The following EYS variants were observed in gnomAD, a reference collection of about 807,000 sequenced individuals.
EYS encodes protein eyes shut homolog.
Under a neutral mutation model 282.1 loss-of-function variants are expected in EYS, and 250 were observed. The ratio of observed to expected loss-of-function variants is 0.89; its 90% CI spans 0.80 to 0.98. The LOEUF is 0.98. Ranked by LOEUF, EYS falls within the 50% of genes least tolerant of loss-of-function variation. EYS has a pLI of 0.00. For synonymous variants in EYS, 1,355 were observed against 1,282.9 expected, an observed-to-expected ratio of 1.06 and a Z score of -1.20; for missense variants, 4,016 against 3,709.0, an observed-to-expected ratio of 1.08 and a Z score of -2.15.
intron 29 of EYS, among the ~76,000 whole-genome samples, chr6:64,321,020 A>G (rs202227235): frequency 7.2e-5 from 11 of 151,846 alleles, no homozygotes; most frequent in African/African-American, 2.6e-4. Context: ...CTACTCAAAA[A>G]AATTTTCATA....
In EYS at chr6:63,720,841, G is replaced by C; in HGVS notation, c.9190C>G (p.Leu3064Val). ...GGATCAATATCCTCGGAAAGAATTAGACTGTTATTTATGTAGGCCTTGATA... is the reference window on the plus strand; with the variant it reads ...GGATCAATATCCTCGGAAAGAATTACACTGTTATTTATGTAGGCCTTGATA... ...TLIKAYINNS[L>V]ILSEDIDPHK... The change falls in exon 43 of 43, where the codon CTA becomes GTA. Residue 3064 changes from leucine to valine, a missense_variant. By Grantham distance (32) the Leu-to-Val change is conservative. Coordinates refer to ENST00000503581, the MANE Select transcript of EYS (RefSeq NM_001142800.2). The C allele has an allele frequency of 1.3e-6, 2 of 1,551,164 alleles. No individual in the cohort carries two copies. The highest frequency in any genetic ancestry group is 1.7e-6 in the Non-Finnish European group (2 of 1,146,684).
intron 12 of EYS, among the ~76,000 whole-genome samples, chr6:65,139,688 C>T (rs181726276): frequency 2.6e-4 from 39 of 152,186 alleles, no homozygotes; most frequent in Non-Finnish European, 4.9e-4. Context: ...GCACTCCTCC[C>T]GTTCTTAGCC....
At chr6:64,036,270 G>T (rs1324926981) in intron 33 of EYS, among the ~76,000 whole-genome samples, 1 of 152,174 alleles carries the variant, frequency 6.6e-6, no homozygotes. Context: ...GGGTGATGGA[G>T]TTTGGGTGCA....
At chr6:63,797,426 C>T (rs552082620) in intron 37 of EYS, 9 of 152,268 alleles carry the variant, frequency 5.9e-5, no homozygotes, top group Non-Finnish European at 1.2e-4. Flanking sequence ...GGATTCTAGA[C>T]ATTTGAGCCA....
chr6:64,602,016 T>C (rs1766776715), intron 24 of EYS, among the ~76,000 whole-genome samples: 2 of 152,066 alleles, frequency 1.3e-5, no homozygotes, highest in African/African-American at 4.8e-5. Context: ...AACTTAAAGG[T>C]CCCTTCCTTA....
intron 8 of EYS, among the ~76,000 whole-genome samples, chr6:65,370,279 G>C (rs1399894053): frequency 1.7e-5 from 2 of 117,096 alleles, no homozygotes; most frequent in African/African-American, 6.8e-5. Flanking sequence ...TTTTGAAACA[G>C]GATCTTACTC....
At chr6:64,895,958 A>T (rs993804655) in intron 18 of EYS, among the ~76,000 whole-genome samples, 2 of 152,076 alleles carry the variant, frequency 1.3e-5, no homozygotes, top group African/African-American at 4.8e-5. Context: ...ATACTAAATA[A>T]TAAATTAATT....
intron 1 of EYS, among the ~76,000 whole-genome samples, chr6:65,677,038 G>GA (rs915816464): frequency 1.5e-4 from 13 of 89,086 alleles, no homozygotes; most frequent in South Asian, 3.6e-4. Flanking sequence ...ACTAGAAATT[G>GA]AAAAAAAAAT....
chr6:64,831,026 G>T (rs1442290755), intron 19 of EYS, among the ~76,000 whole-genome samples: 1 of 151,920 alleles, frequency 6.6e-6, no homozygotes, highest in African/African-American at 2.4e-5. Context: ...AGTTCCTGGA[G>T]GGATCAACTG....
intron 21 of EYS, among the ~76,000 whole-genome samples, chr6:64,817,992 G>C (rs572716848): frequency 1.2e-4 from 19 of 152,004 alleles, no homozygotes; most frequent in African/African-American, 4.3e-4. Context: ...GTTAAAGCAC[G>C]AATTCTCTTA....
chr6:64,707,981 T>G (rs1771088585), intron 22 of EYS, among the ~76,000 whole-genome samples: 2 of 152,080 alleles, frequency 1.3e-5, no homozygotes, highest in South Asian at 4.1e-4. Flanking sequence ...TGGGTTTTAA[T>G]GCATAAAATT....
chr6:65,266,887 C>CATAT (rs10571039), intron 12 of EYS, among the ~76,000 whole-genome samples: 7,987 of 139,470 alleles, frequency 0.057, 244 homozygotes, highest in Middle Eastern at 0.071. Context: ...AATGTGTGTG[C>CATAT]ATATATATAT....
At chr6:65,362,889 T>C (rs1764766936) in intron 8 of EYS, among the ~76,000 whole-genome samples, 1 of 151,982 alleles carries the variant, frequency 6.6e-6, no homozygotes, top group Non-Finnish European at 1.5e-5. Flanking sequence ...TTGCTTTAAA[T>C]TCAAAAAAAG....
At chr6:64,271,380 A>G (rs1767934633) in intron 30 of EYS, among the ~76,000 whole-genome samples, 1 of 152,092 alleles carries the variant, frequency 6.6e-6, no homozygotes, top group Admixed American at 6.5e-5. Flanking sequence ...TCATTTTTGT[A>G]TGTTACAAAT....
At chr6:64,185,102 G>A (rs1228485679) in intron 31 of EYS, among the ~76,000 whole-genome samples, 2 of 152,096 alleles carry the variant, frequency 1.3e-5, no homozygotes, top group Non-Finnish European at 2.9e-5. Context: ...AAGTCAGATA[G>A]TAGGCCTTCA....
rs143807543 is a variant in EYS, at chr6:64,513,116, G to A, written c.5645-73764C>T. Among the ~76,000 whole-genome samples the A allele has an allele frequency of 2.4e-3, 363 of 151,736 alleles. 4 individuals are homozygous for A. Among genetic ancestry groups the A allele is most frequent in the South Asian group, 0.017 (84 of 4,818 alleles). On this transcript the variant is annotated intron_variant, in intron 26 of 42. Transcript: ENST00000503581. ...CAGTTTGATACAGATTTGCGATCAGGTTCTTATAAATCTAAAATTGATCAG... is the reference window on the plus strand; with the variant it reads ...CAGTTTGATACAGATTTGCGATCAGATTCTTATAAATCTAAAATTGATCAG...
chr6:65,027,519 A>G (rs1429863886), intron 13 of EYS, among the ~76,000 whole-genome samples: 1 of 152,218 alleles, frequency 6.6e-6, no homozygotes, highest in Admixed American at 6.5e-5. Flanking sequence ...GGATTAAACA[A>G]TTACAGCATT....
chr6:64,238,531 C>T (rs1284006684), intron 30 of EYS, among the ~76,000 whole-genome samples: 1 of 152,102 alleles, frequency 6.6e-6, no homozygotes, highest in East Asian at 1.9e-4. Context: ...TTTTTCATCC[C>T]TCATCTCCCT....
chr6:63,814,266 C>T (rs556093888), intron 36 of EYS, among the ~76,000 whole-genome samples: 2 of 152,158 alleles, frequency 1.3e-5, no homozygotes, highest in Non-Finnish European at 2.9e-5. Flanking sequence ...CCGGAGATAT[C>T]GCCAACAGTT....
Sources: gnomAD v4.1 joint callset for allele counts (sites outside exome capture counted in the v4.1 genomes callset) on GRCh38, gnomAD v4.1.1 for gene constraint, MANE v1.5 for transcripts, NCBI Gene and HGNC (gene_info 2026-07-23, HGNC 2026-07-21) for gene names.